Variants in FARP1 observed in about 807,000 individuals in gnomAD.
The protein encoded by FARP1 is FERM, ARH/RhoGEF and pleckstrin domain protein 1.
FARP1 carries 52 observed loss-of-function variants against 128.8 expected under a neutral mutation model. The observed-to-expected ratio is 0.40, with a 90% CI of 0.32 to 0.51. The LOEUF (loss-of-function observed/expected upper bound fraction) is 0.51. Among genes scored for constraint, FARP1 ranks in the 20% least tolerant of loss-of-function variants. The pLI is 0.45. For synonymous variants in FARP1, 580 were observed against 551.8 expected (o/e 1.05, Z -0.72); for missense variants, 1,333 against 1,367.9 (o/e 0.97, Z 0.40).
At chr13:98,320,539 G>A (rs975860422) in intron 2 of FARP1, among the ~76,000 whole-genome samples, 4 of 152,256 alleles carry the variant, frequency 2.6e-5, no homozygotes, top group Non-Finnish European at 4.4e-5. Context: ...AACACCTCAT[G>A]GAGATACTAA....
chr13:98,240,906 G>T (rs1390042780), intron 2 of FARP1, among the ~76,000 whole-genome samples: 2 of 152,216 alleles, frequency 1.3e-5, no homozygotes, highest in Non-Finnish European at 2.9e-5. Context: ...CCGGCATTGA[G>T]CTTTGCCCTG....
rs1411695066 is a variant in FARP1 at position 98,435,827 on chromosome 13, C to T, written c.2274+121C>T. On this transcript the variant is annotated intron_variant, in intron 19 of 26. Transcript: ENST00000319562. ...AAGCAAAATGTCCTCTTTCCATCCA[C>T]CTGGGAGACAACTGGAAAAACACAA... 4 of 1,019,192 alleles carry T rather than the reference C, an allele frequency of 3.9e-6. No homozygotes were observed. In the East Asian group the frequency reaches 7.2e-5, roughly 18 times the overall value. 63.1% of individuals were successfully genotyped at this position (1,019,192 alleles called of 1,614,324 possible). A position where few individuals can be genotyped will look rare whatever the true frequency, so the allele number is the denominator to read the frequency against.
At chr13:98,360,090 CTTTTTTTT>C (rs55859311) in intron 3 of FARP1, among the ~76,000 whole-genome samples, 45,401 of 105,122 alleles carry the variant, frequency 0.43, 8,473 homozygotes, top group Middle Eastern at 0.58. Context: ...GATTGTGTTG[CTTTTTTTT>C]TTTTTTTTTT....
intron 2 of FARP1, among the ~76,000 whole-genome samples, chr13:98,341,351 G>C (rs995563355): frequency 2.6e-5 from 4 of 151,968 alleles, no homozygotes; most frequent in Non-Finnish European, 4.4e-5. Context: ...AAGTAACTGT[G>C]GGCTGGGTGC....
intron 2 of FARP1, among the ~76,000 whole-genome samples, chr13:98,248,636 T>A (rs1212166461): frequency 1.3e-5 from 2 of 152,152 alleles, no homozygotes; most frequent in Admixed American, 1.3e-4. Context: ...ATCAAGCTTG[T>A]GGTGCTTTCC....
intron 1 of FARP1, among the ~76,000 whole-genome samples, chr13:98,143,829 T>C (rs1355562814): frequency 6.6e-6 from 1 of 151,646 alleles, no homozygotes; most frequent in Non-Finnish European, 1.5e-5. Flanking sequence ...CCCGTTTCCT[T>C]CCGTCCTACC....
intron 2 of FARP1, chr13:98,333,267 G>C (rs964148150): frequency 2.0e-5 from 3 of 152,152 alleles, no homozygotes; most frequent in African/African-American, 7.2e-5. Flanking sequence ...ATAAATTTTA[G>C]AATTTTTTAT....
chr13:98,282,159 C>T (rs1884966856), intron 2 of FARP1, among the ~76,000 whole-genome samples: 1 of 152,040 alleles, frequency 6.6e-6, no homozygotes, highest in African/African-American at 2.4e-5. Flanking sequence ...GAAAAATTAG[C>T]CAGGCATGGT....
chr13:98,145,977 T>C (rs1875523724), intron 1 of FARP1, among the ~76,000 whole-genome samples: 1 of 152,114 alleles, frequency 6.6e-6, no homozygotes, highest in Non-Finnish European at 1.5e-5. Flanking sequence ...TTTTAAACAG[T>C]GAAGCTTATA....
chr13:98,240,470 A>G (rs534588015), intron 2 of FARP1, among the ~76,000 whole-genome samples: 14 of 152,312 alleles, frequency 9.2e-5, no homozygotes, highest in Non-Finnish European at 1.8e-4. Flanking sequence ...AGGGAGGTGC[A>G]GGGCACTGGG....
intron 2 of FARP1, among the ~76,000 whole-genome samples, chr13:98,266,973 C>T (rs947404205): frequency 5.1e-4 from 72 of 139,848 alleles, no homozygotes; most frequent in Admixed American, 2.3e-4. Context: ...AAGGTCACAC[C>T]ACTGTACTCC....
chr13:98,298,527 AT>A (rs1885795909), intron 2 of FARP1, among the ~76,000 whole-genome samples: 1 of 151,990 alleles, frequency 6.6e-6, no homozygotes. Context: ...AATCAGCTTA[AT>A]TTTTTTCCCC....
rs76473592 is a variant in FARP1, at chr13:98,435,572, A to C, written c.2144-4A>C. 6.2e-7 allele frequency: 1 copy of C among 1,608,070 alleles called. No homozygotes were observed. Among genetic ancestry groups the C allele is most frequent in the Non-Finnish European group, 8.5e-7 (1 of 1,176,488 alleles). On this transcript the variant is annotated splice_region_variant and splice_polypyrimidine_tract_variant and intron_variant, in intron 18 of 26. Coordinates refer to ENST00000319562, the MANE Select transcript of FARP1 (RefSeq NM_005766.4). ...TGCAGACTGTGTATGTCTTTCCTTCACAGCCGCTTTGGCAGAGATCACGGA... is the reference window on the plus strand; with the variant it reads ...TGCAGACTGTGTATGTCTTTCCTTCCCAGCCGCTTTGGCAGAGATCACGGA...
intron 2 of FARP1, among the ~76,000 whole-genome samples, chr13:98,285,303 A>C (rs1351466785): frequency 6.6e-6 from 1 of 152,226 alleles, no homozygotes; most frequent in Non-Finnish European, 1.5e-5. Flanking sequence ...AAGAAGTTTA[A>C]AAAATTGAAA....
intron 2 of FARP1, chr13:98,331,749 A>C (rs1887518188): frequency 1.3e-5 from 2 of 152,188 alleles, no homozygotes. Flanking sequence ...GCCAGTGTCC[A>C]GGCAGGCCAG....
At chr13:98,185,285 A>G (rs1405300733) in intron 1 of FARP1, among the ~76,000 whole-genome samples, 2 of 152,248 alleles carry the variant, frequency 1.3e-5, no homozygotes, top group Non-Finnish European at 2.9e-5. Flanking sequence ...GAGTTGATAC[A>G]AAAGCAGTAT....
intron 2 of FARP1, among the ~76,000 whole-genome samples, chr13:98,334,654 C>T (rs1887666031): frequency 1.3e-5 from 2 of 152,118 alleles, no homozygotes; most frequent in African/African-American, 4.8e-5. Flanking sequence ...TGATGCCCTA[C>T]CCACCATGTG....
chr13:98,440,298 G>C (rs1892470894), intron 23 of FARP1, 63 bp downstream of exon 23: 1 of 1,201,800 alleles, frequency 8.3e-7, no homozygotes, highest in Non-Finnish European at 1.2e-6. Flanking sequence ...CAGCATTTCT[G>C]CATCTAAAGC....
intron 1 of FARP1, among the ~76,000 whole-genome samples, chr13:98,190,036 G>A (rs575538653): frequency 1.6e-4 from 25 of 152,220 alleles, no homozygotes; most frequent in African/African-American, 5.8e-4. Context: ...TTCTTGGCCA[G>A]TTGCCACTGT....
Sources: allele counts gnomAD v4.1 joint callset (sites outside exome capture counted in the v4.1 genomes callset), GRCh38; gene constraint gnomAD v4.1.1; transcripts MANE v1.5; gene names NCBI Gene and HGNC (gene_info 2026-07-23, HGNC 2026-07-21).